The following NAGK variants were observed in gnomAD, a reference collection of about 807,000 sequenced individuals.
NAGK encodes the protein N-acetyl-D-glucosamine kinase.
Under a neutral mutation model 42.9 loss-of-function variants are expected in NAGK, and 35 were observed. The ratio of observed to expected loss-of-function variants is 0.82; its 90% CI spans 0.62 to 1.08. The LOEUF (loss-of-function observed/expected upper bound fraction) is 1.08, where lower values mean the gene tolerates loss of function less well. Ranked by LOEUF, NAGK falls within the 50% of genes least tolerant of loss-of-function variation. The pLI is 0.00. For synonymous variants in NAGK, 172 were observed against 176.0 expected, an observed-to-expected ratio of 0.98 and a Z score of 0.18; for missense variants, 446 against 446.0, an observed-to-expected ratio of 1.00 and a Z score of 0.00.
Position 71,078,641 on chromosome 2 carries a change from A to T in NAGK, c.*133A>T. On this transcript the variant is annotated 3_prime_UTR_variant, in exon 10 of 10. Coordinates refer to ENST00000244204, the MANE Select transcript of NAGK (RefSeq NM_017567.6). The stretch of plus-strand genomic sequence containing the variant: ...ATAAATGCACTTTATCCACTCCCCA[A>T]TTGGACTGCATTATCAAACACATGT... The T allele has an allele frequency of 1.9e-6, 2 of 1,043,452 alleles. No homozygotes were observed. Among genetic ancestry groups the T allele is most frequent in the African/African-American group, 1.6e-5 (1 of 61,800 alleles). 64.6% of individuals were successfully genotyped at this position (1,043,452 alleles called of 1,614,324 possible).
chr2:71,070,687 G>A, intron 2 of NAGK, 54 bp from the exon 3 acceptor site: 3 of 1,610,078 alleles, frequency 1.9e-6, no homozygotes, highest in East Asian at 2.2e-5. Flanking sequence ...GCCTGTGGGG[G>A]CAACATAGCT....
intron 7 of NAGK, chr2:71,075,965 T>C (rs1672196590): frequency 2.7e-6 from 1 of 369,608 alleles, no homozygotes; most frequent in East Asian, 5.1e-5. Flanking sequence ...TAGCCAATTA[T>C]ACTCAAAGAA....
Position 71,078,796 on chromosome 2 carries a change from G to A in NAGK, c.*288G>A. ...CTGTATCCACTCAGCATGCACTTGG[G>A]CAGATGATTTGTCTGTGTGCTACCC... On this transcript the variant is annotated 3_prime_UTR_variant, in exon 10 of 10. Transcript: ENST00000244204. The A allele has an allele frequency of 3.0e-6, 1 of 336,108 alleles. No individual in the cohort carries two copies. Among genetic ancestry groups the A allele is most frequent in the East Asian group, 6.2e-5 (1 of 16,084 alleles). The allele number at this position is 336,108 out of a possible 1,614,324, so 20.8% of individuals were successfully genotyped here. A position where few individuals can be genotyped will look rare whatever the true frequency, so the allele number is the denominator to read the frequency against.
chr2:71,079,399 C>T lies in NAGK; in HGVS notation c.*891C>T, dbSNP rs1309395099. ...GAGTCTCGATCCACAATAGCTGCCT[C>T]TCCAGGTGTTTTATTAGAGGCATGT... On this transcript the variant is annotated 3_prime_UTR_variant, in exon 10 of 10. Transcript: ENST00000244204. The T allele has an allele frequency of 6.6e-6, 1 of 152,198 alleles. No individual in the cohort carries two copies. The highest frequency in any genetic ancestry group is 1.5e-5 in the Non-Finnish European group (1 of 68,038). 9.4% of individuals were successfully genotyped at this position (152,198 alleles called of 1,614,324 possible).
intron 9 of NAGK, among the ~76,000 whole-genome samples, 197 bp from the exon 10 acceptor site, chr2:71,078,121 G>A (rs1455564051): frequency 6.6e-6 from 1 of 152,186 alleles, no homozygotes; most frequent in African/African-American, 2.4e-5. Flanking sequence ...GCTGAGAGGA[G>A]AGCAGGCCCC....
At chr2:71,072,773 G>A (rs778943179) in intron 5 of NAGK, 22 bp downstream of exon 5, 1 of 1,594,248 alleles carries the variant, frequency 6.3e-7, no homozygotes, top group Non-Finnish European at 8.6e-7. Context: ...GACTGGCCCA[G>A]CTCCAGGTCC....
intron 1 of NAGK, chr2:71,069,794 A>T (rs1671929752): frequency 6.5e-6 from 1 of 154,622 alleles, no homozygotes; most frequent in Non-Finnish European, 1.5e-5. Context: ...AAAAGTAATG[A>T]TCAATAAAGA....
chr2:71,073,362 T>G, intron 5 of NAGK, 120 bp from the exon 6 acceptor site: 1 of 389,126 alleles, frequency 2.6e-6, no homozygotes, highest in Non-Finnish European at 5.1e-6. Context: ...TGGCTGGGAA[T>G]CAGGAAACCT....
At chr2:71,068,490 A>T (rs1055953395), upstream of NAGK, 2 of 1,417,886 alleles carry the variant, frequency 1.4e-6, no homozygotes, top group Non-Finnish European at 1.8e-6. Flanking sequence ...CACCAGAAGG[A>T]AGACAGCCTG....
At position 71,079,226 on chromosome 2, in the gene NAGK, C is replaced by T. The variant is rs1672325403; in HGVS notation, c.*718C>T. 1 of 152,298 alleles carries T rather than the reference C, an allele frequency of 6.6e-6. No homozygotes were observed. Among genetic ancestry groups the T allele is most frequent in the Non-Finnish European group, 1.5e-5 (1 of 68,090 alleles). 9.4% of individuals were successfully genotyped at this position (152,298 alleles called of 1,614,324 possible). ...TAGCCTGGCTCTGCTTACAGCGTGA[C>T]ACTATGTGTTGTGTGTTCCTGGGAA... On this transcript the variant is annotated 3_prime_UTR_variant, in exon 10 of 10. Transcript: ENST00000244204.
chr2:71,075,642 G>A lies in NAGK; in HGVS notation c.667G>A (p.Gly223Ser), dbSNP rs748602302. 6 of 1,611,338 alleles carry A rather than the reference G, an allele frequency of 3.7e-6. No individual in the cohort carries two copies. The South Asian group carries it at 4.4e-5, about 12-fold the overall frequency. ...FAGFCRKIAE[G>S]AQQGDPLSRY... ...TGGGTTTTGCCGGAAAATTGCAGAA[G>A]GTACTGGAGGTGGGGGGTGGGTTTT... The change falls in exon 7 of 10, where the codon GGT becomes AGT. Residue 223 changes from glycine to serine, a missense_variant and splice_region_variant. By Grantham distance (56) the Gly-to-Ser change is moderately conservative. Coordinates refer to ENST00000244204, the MANE Select transcript of NAGK (RefSeq NM_017567.6).
At chr2:71,073,331 T>TCC in intron 5 of NAGK, 151 bp from the exon 6 acceptor site, 12 of 150,772 alleles carry the variant, frequency 8.0e-5, no homozygotes, top group South Asian at 2.5e-4. Context: ...CCCACCCCCC[T>TCC]CTCCCACCCC....
At chr2:71,070,989 A>G in intron 3 of NAGK, 150 bp downstream of exon 3, 1 of 780,648 alleles carries the variant, frequency 1.3e-6, no homozygotes, top group Non-Finnish European at 2.1e-6. Flanking sequence ...ACCCAGTCTC[A>G]TGGCTTCAGT....
At chr2:71,073,329 C>CCCCCCCCCCCCCCCG in intron 5 of NAGK, 153 bp from the exon 6 acceptor site, 2 of 444,402 alleles carry the variant, frequency 4.5e-6, no homozygotes, top group Non-Finnish European at 4.3e-6. Flanking sequence ...CTCCCACCCC[C>CCCCCCCCCCCCCCCG]CTCTCCCACC....
chr2:71,075,775 TG>T (rs1277039337), intron 7 of NAGK, 133 bp downstream of exon 7: 36 of 848,200 alleles, frequency 4.2e-5, no homozygotes, highest in Non-Finnish European at 6.9e-5. Context: ...CTGCCACCAC[TG>T]GCCTTGGTGG....
intron 7 of NAGK, 27 bp from the exon 8 acceptor site, chr2:71,076,577 T>G (rs760537843): frequency 3.2e-6 from 5 of 1,562,020 alleles, no homozygotes; most frequent in Non-Finnish European, 4.4e-6. Context: ...TCTCACCAGT[T>G]TCCTTCTTCC....
intron 9 of NAGK, 42 bp downstream of exon 9, chr2:71,077,678 G>A (rs1336344782): frequency 1.3e-6 from 2 of 1,566,332 alleles, no homozygotes; most frequent in African/African-American, 1.4e-5. Flanking sequence ...GCAGGGGACG[G>A]GGCTGGAAAG....
chr2:71,075,767 G>A (rs1450006593), intron 7 of NAGK, 125 bp downstream of exon 7: 8 of 899,378 alleles, frequency 8.9e-6, no homozygotes, highest in Non-Finnish European at 1.4e-5. Context: ...TCAGTTCTCT[G>A]CCACCACTGG....
At chr2:71,075,914 G>A (rs1413008610) in intron 7 of NAGK, 4 of 502,866 alleles carry the variant, frequency 8.0e-6, no homozygotes, top group Non-Finnish European at 1.4e-5. Flanking sequence ...AGGAATTTAT[G>A]AAGCAGTTGT....
Sources: gnomAD v4.1 joint callset for allele counts (sites outside exome capture counted in the v4.1 genomes callset) on GRCh38, gnomAD v4.1.1 for gene constraint, MANE v1.5 for transcripts, NCBI Gene and HGNC (gene_info 2026-07-23, HGNC 2026-07-21) for gene names.